FEZ2: variants seen among roughly 807,000 people sequenced by gnomAD.
FEZ2 encodes fasciculation and elongation protein zeta 2.
Under a neutral mutation model 40.4 loss-of-function variants are expected in FEZ2, and 51 were observed. The ratio of observed to expected loss-of-function variants is 1.26; its 90% CI spans 1.01 to 1.59. The LOEUF is 1.59. Among genes scored for constraint, FEZ2 ranks in the 40% most tolerant of loss-of-function variants. The probability of loss-of-function intolerance (pLI) is 0.00; values close to 1 mark genes in which losing one functional copy is unlikely to be tolerated. For missense variants in FEZ2, 640 were observed against 438.3 expected (o/e 1.46, Z -4.11); for synonymous variants, 242 against 172.0 (o/e 1.41, Z -3.18).
chr2:36,577,836 A>G (rs1411154690), intron 5 of FEZ2, among the ~76,000 whole-genome samples: 1 of 152,248 alleles, frequency 6.6e-6, no homozygotes, highest in African/African-American at 2.4e-5. Context: ...TGTGATTTGT[A>G]AGACCATGTT....
intron 5 of FEZ2, among the ~76,000 whole-genome samples, chr2:36,565,597 G>C (rs866489741): frequency 6.6e-6 from 1 of 152,042 alleles, no homozygotes; most frequent in African/African-American, 2.4e-5. Flanking sequence ...CCTGACCTCC[G>C]GGTGCAACTC....
At chr2:36,594,834 T>C (rs772899235) in intron 1 of FEZ2, among the ~76,000 whole-genome samples, 4 of 152,212 alleles carry the variant, frequency 2.6e-5, no homozygotes, top group African/African-American at 4.8e-5. Flanking sequence ...TGGGATGGAA[T>C]ATTTCACTTA....
At chr2:36,566,035 A>G (rs1668228254) in intron 5 of FEZ2, among the ~76,000 whole-genome samples, 2 of 152,214 alleles carry the variant, frequency 1.3e-5, no homozygotes, top group African/African-American at 4.8e-5. Flanking sequence ...ACATTCCTGG[A>G]AAACTGAAAT....
chr2:36,571,366 G>C lies in FEZ2; in HGVS notation c.903+7231C>G, dbSNP rs145975889. On this transcript the variant is annotated intron_variant, in intron 5 of 7. Coordinates refer to ENST00000405912, the MANE Select transcript of FEZ2 (RefSeq NM_005102.3). ...AAAATGTGTCAATATTTACATTCAA[G>C]AATGCGTATCAGAGCCGGGCACGGT... Among the ~76,000 whole-genome samples, 486 of 152,246 alleles carry C rather than the reference G, an allele frequency of 3.2e-3. 7 individuals carry two copies. Among genetic ancestry groups the C allele is most frequent in the African/African-American group, 0.011 (464 of 41,552 alleles).
chr2:36,576,504 C>T (rs1668573834), intron 5 of FEZ2, among the ~76,000 whole-genome samples: 3 of 152,184 alleles, frequency 2.0e-5, no homozygotes, highest in Non-Finnish European at 4.4e-5. Context: ...CTCCTGACGT[C>T]AGGTGATCCG....
chr2:36,570,606 G>A (rs114305573), intron 5 of FEZ2, among the ~76,000 whole-genome samples: 4 of 152,108 alleles, frequency 2.6e-5, no homozygotes, highest in Admixed American at 6.5e-5. Flanking sequence ...CAACTTTGTC[G>A]TATAGACCAT....
intron 5 of FEZ2, among the ~76,000 whole-genome samples, chr2:36,569,276 A>G (rs1197835963): frequency 6.6e-6 from 1 of 152,250 alleles, no homozygotes; most frequent in African/African-American, 2.4e-5. Flanking sequence ...ATAATATTTT[A>G]GACACAACTC....
At chr2:36,581,580 C>A (rs1668749072) in intron 3 of FEZ2, 149 bp from the exon 4 acceptor site, 1 of 651,232 alleles carries the variant, frequency 1.5e-6, no homozygotes, top group Non-Finnish European at 2.7e-6. Context: ...TCCAAATAAT[C>A]AAAATTTTTA....
intron 2 of FEZ2, 142 bp downstream of exon 2, chr2:36,590,761 A>G (rs1013695299): frequency 1.6e-6 from 1 of 616,334 alleles, no homozygotes; most frequent in African/African-American, 1.9e-5. Context: ...CAGCCAAGAC[A>G]TCAAGACAGA....
chr2:36,573,093 G>C (rs1668462596), intron 5 of FEZ2, among the ~76,000 whole-genome samples: 1 of 152,106 alleles, frequency 6.6e-6, no homozygotes, highest in Non-Finnish European at 1.5e-5. Flanking sequence ...ATTTTTGATG[G>C]TGGAGTGTAA....
chr2:36,565,455 T>C (rs906846922), intron 5 of FEZ2, among the ~76,000 whole-genome samples: 1 of 152,216 alleles, frequency 6.6e-6, no homozygotes, highest in Non-Finnish European at 1.5e-5. Flanking sequence ...TTCTTGAGTT[T>C]CTTGCCCCCT....
chr2:36,579,462 A>G (rs72868479), intron 4 of FEZ2, among the ~76,000 whole-genome samples: 4,126 of 152,056 alleles, frequency 0.027, 189 homozygotes, highest in African/African-American at 0.095. Flanking sequence ...CATGAGGGCA[A>G]TTTCTAACAG....
Position 36,553,142 on chromosome 2 carries a change from AC to A in FEZ2, c.*20del. 6.4e-7 allele frequency: 1 copy of A among 1,563,622 alleles called. No homozygotes were observed. Among genetic ancestry groups the A allele is most frequent in the African/African-American group, 1.4e-5 (1 of 73,838 alleles). On this transcript the variant is annotated 3_prime_UTR_variant, in exon 8 of 8. Coordinates refer to ENST00000405912, the MANE Select transcript of FEZ2 (RefSeq NM_005102.3). Reference sequence around the variant, plus strand: ...CTGTCGGAAATCTAGCTTGGAGCCCACCGCAGATAAAGTTGCTGCTCTATGT... The same window carrying A: ...CTGTCGGAAATCTAGCTTGGAGCCCACGCAGATAAAGTTGCTGCTCTATGT...
intron 5 of FEZ2, among the ~76,000 whole-genome samples, chr2:36,565,509 GATGTCCCTA>G (rs1364512209): frequency 6.6e-6 from 1 of 151,994 alleles, no homozygotes; most frequent in Non-Finnish European, 1.5e-5. Flanking sequence ...CATTTCCCCA[GATGTCCCTA>G]ACTGTCCCCT....
intron 5 of FEZ2, among the ~76,000 whole-genome samples, chr2:36,571,896 T>C (rs929190807): frequency 1.3e-4 from 20 of 150,262 alleles, no homozygotes; most frequent in Admixed American, 9.3e-4. Context: ...ACACTTGTAA[T>C]CCCAGCTACT....
chr2:36,557,636 GTAACTTA>G (rs1667990181), intron 6 of FEZ2: 1 of 152,126 alleles, frequency 6.6e-6, no homozygotes, highest in South Asian at 2.1e-4. Context: ...CTAATTGATA[GTAACTTA>G]GCCAAAATCA....
intron 5 of FEZ2, among the ~76,000 whole-genome samples, chr2:36,571,136 T>A (rs1668398086): frequency 6.6e-6 from 1 of 152,230 alleles, no homozygotes; most frequent in East Asian, 1.9e-4. Context: ...TAGGTAATAT[T>A]ATTTTTCATA....
At chr2:36,566,972 T>C (rs1049315021) in intron 5 of FEZ2, among the ~76,000 whole-genome samples, 6 of 152,142 alleles carry the variant, frequency 3.9e-5, no homozygotes, top group African/African-American at 1.4e-4. Flanking sequence ...TCTCTCTCTC[T>C]ATAGGACTAA....
At chr2:36,575,335 C>T (rs1282878000) in intron 5 of FEZ2, among the ~76,000 whole-genome samples, 1 of 151,928 alleles carries the variant, frequency 6.6e-6, no homozygotes, top group Non-Finnish European at 1.5e-5. Context: ...CAGGTGCATG[C>T]CACCACACCT....
Sources: gnomAD v4.1 joint callset for allele counts (sites outside exome capture counted in the v4.1 genomes callset) on GRCh38, gnomAD v4.1.1 for gene constraint, MANE v1.5 for transcripts, NCBI Gene and HGNC (gene_info 2026-07-23, HGNC 2026-07-21) for gene names.